The following RGPD4 variants were observed in gnomAD, a reference collection of about 807,000 sequenced individuals.
RGPD4 encodes the protein RANBP2 like and GRIP domain containing 4, also known as ranBP2-like and GRIP domain-containing protein 4.
A neutral mutation model predicts 141.1 loss-of-function variants in RGPD4; 84 were observed. The observed-to-expected ratio is 0.60, with a 90% CI of 0.50 to 0.71. The LOEUF is 0.71. Ranked by LOEUF, RGPD4 falls within the 30% of genes least tolerant of loss-of-function variation. The probability of loss-of-function intolerance (pLI) is 0.00; values close to 1 mark genes in which losing one functional copy is unlikely to be tolerated. For missense variants in RGPD4, 918 were observed against 1,622.4 expected, an observed-to-expected ratio of 0.57 and a Z score of 7.46; for synonymous variants, 298 against 566.8, an observed-to-expected ratio of 0.53 and a Z score of 6.74.
chr2:107,867,253 G>A (rs1438940025), intron 18 of RGPD4, among the ~76,000 whole-genome samples: 1 of 151,746 alleles, frequency 6.6e-6, no homozygotes, highest in Admixed American at 6.6e-5. Flanking sequence ...TTCTGAAATG[G>A]TAGTAGTAGT....
intron 20 of RGPD4, among the ~76,000 whole-genome samples, chr2:107,873,752 A>G (rs893994899): frequency 2.0e-5 from 3 of 151,802 alleles, no homozygotes; most frequent in Non-Finnish European, 2.9e-5. Context: ...TTTTAAAAGC[A>G]TATTCATTTT....
In RGPD4 at chr2:107,871,007, A is replaced by G. The variant is rs200660520; in HGVS notation, c.3003A>G (p.Glu1001=). 24,106 of 1,611,034 alleles carry G rather than the reference A, an allele frequency of 0.015. 279 individuals are homozygous for G. Among genetic ancestry groups the G allele is most frequent in the Non-Finnish European group, 0.017 (20,421 of 1,179,768 alleles). ...PNFKGFSGAG[E]KLFSSQCGKM... The stretch of plus-strand genomic sequence containing the variant: ...TCAAGGGATTTTCAGGTGCTGGAGA[A>G]AAATTATTCTCATCACAATGCGGTA... Residue 1001 remains glutamate, a synonymous_variant, in exon 20 of 23, where the codon GAA becomes GAG. Transcript: ENST00000408999.
intron 8 of RGPD4, 123 bp downstream of exon 8, chr2:107,854,766 A>G (rs1405329037): frequency 2.9e-6 from 4 of 1,371,776 alleles, no homozygotes; most frequent in African/African-American, 1.5e-5. Context: ...TTTTCGCCGT[A>G]TCAGTTAAGA....
At chr2:107,840,262 T>A (rs567225873) in intron 4 of RGPD4, among the ~76,000 whole-genome samples, 1 of 151,596 alleles carries the variant, frequency 6.6e-6, no homozygotes, top group South Asian at 2.1e-4. Context: ...TATACTTTGG[T>A]GATTTCAAAA....
chr2:107,834,566 T>C (rs1469384759), intron 1 of RGPD4, among the ~76,000 whole-genome samples: 1 of 152,156 alleles, frequency 6.6e-6, no homozygotes, highest in Non-Finnish European at 1.5e-5. Context: ...AGTTATCAGA[T>C]CAGTTGTTGG....
chr2:107,878,563 C>T (rs1025108214), intron 20 of RGPD4, among the ~76,000 whole-genome samples: 1 of 150,472 alleles, frequency 6.6e-6, no homozygotes, highest in African/African-American at 2.5e-5. Flanking sequence ...GGTACATATG[C>T]TTTTTTGGGC....
At chr2:107,862,928 T>C (rs1312602618) in intron 16 of RGPD4, 21 bp from the exon 17 acceptor site, 1 of 1,608,508 alleles carries the variant, frequency 6.2e-7, no homozygotes, top group Non-Finnish European at 8.5e-7. Flanking sequence ...TGCTCTTTTG[T>C]GATTTTTATT....
chr2:107,884,236 A>C (rs1675446487), intron 22 of RGPD4, among the ~76,000 whole-genome samples: 1 of 151,866 alleles, frequency 6.6e-6, no homozygotes, highest in South Asian at 2.1e-4. Context: ...TCGGCCTCCC[A>C]AGTAGCTGGG....
At chr2:107,832,400 C>T (rs1311684976) in intron 1 of RGPD4, among the ~76,000 whole-genome samples, 1 of 151,378 alleles carries the variant, frequency 6.6e-6, no homozygotes, top group Admixed American at 6.6e-5. Flanking sequence ...TTTGGTGTAG[C>T]ATAGTCTCAC....
At chr2:107,878,677 G>T (rs1317851814) in intron 20 of RGPD4, among the ~76,000 whole-genome samples, 1 of 109,348 alleles carries the variant, frequency 9.1e-6, no homozygotes, top group Non-Finnish European at 1.9e-5. Flanking sequence ...GAGATGGATG[G>T]ATGGATGCTT....
In RGPD4 at chr2:107,854,605, T is replaced by A; in HGVS notation, c.1028T>A (p.Leu343Gln). The change falls in exon 8 of 23, where the codon CTG (leucine) becomes CAG (glutamine). Residue 343 changes from leucine (L) to glutamine (Q), a missense_variant. Physicochemically the swap from Leu to Gln is moderately radical, Grantham distance 113. Transcript: ENST00000408999. Reference sequence around the variant, plus strand: ...ATAAAAGGTGAAGCTGGACAAAATCTGCTGGAAATGATGGCCTGTGACCGA... The same window carrying A: ...ATAAAAGGTGAAGCTGGACAAAATCAGCTGGAAATGATGGCCTGTGACCGA... ...KLIKGEAGQN[L>Q]LEMMACDRLS... is the part of the protein sequence containing the mutation. 6.5e-7 allele frequency: 1 copy of A among 1,541,046 alleles called. No homozygotes were observed. Among genetic ancestry groups the A allele is most frequent in the Non-Finnish European group, 8.8e-7 (1 of 1,140,490 alleles).
At position 107,871,326 on chromosome 2, in the gene RGPD4, G is replaced by A. The variant is rs1275685474; in HGVS notation, c.3322G>A (p.Val1108Met). 6.2e-7 allele frequency: 1 copy of A among 1,600,274 alleles called. No individual in the cohort carries two copies. The highest frequency in any genetic ancestry group is 8.5e-7 in the Non-Finnish European group (1 of 1,177,598). ...MLMRREQVLK[V>M]CANHWITTTM... is the part of the protein sequence containing the mutation. ...GATGCGAAGAGAACAAGTACTAAAA[G>A]TGTGTGCTAATCATTGGATAACGAC... is the stretch of plus-strand genomic sequence containing the variant. The change falls in exon 20 of 23, where the codon GTG becomes ATG. Residue 1108 changes from valine (V) to methionine (M), a missense_variant. Val to Met is a conservative substitution (Grantham distance 21). Transcript: ENST00000408999.
intron 1 of RGPD4, among the ~76,000 whole-genome samples, chr2:107,828,067 C>T (rs1288803365): frequency 2.7e-3 from 112 of 41,572 alleles, no homozygotes; most frequent in African/African-American, 0.013. Flanking sequence ...TGCTCCCTGG[C>T]GCGCTCTGTT....
At chr2:107,846,760 A>G (rs1366551829) in intron 6 of RGPD4, among the ~76,000 whole-genome samples, 2 of 151,550 alleles carry the variant, frequency 1.3e-5, no homozygotes, top group Admixed American at 6.6e-5. Context: ...GAGCCACCGC[A>G]CAGGGCCAAT....
chr2:107,846,908 T>C (rs1681971379), intron 6 of RGPD4, among the ~76,000 whole-genome samples: 1 of 150,674 alleles, frequency 6.6e-6, no homozygotes, highest in Admixed American at 6.6e-5. Flanking sequence ...TTACTTCCTC[T>C]TTCAGTCTGT....
chr2:107,885,872 G>A (rs1675497181), intron 22 of RGPD4, among the ~76,000 whole-genome samples: 1 of 151,688 alleles, frequency 6.6e-6, no homozygotes, highest in African/African-American at 2.4e-5. Flanking sequence ...GGCCAACATG[G>A]TGAAACCCCG....
At chr2:107,858,655 G>C (rs1682424557) in intron 9 of RGPD4, among the ~76,000 whole-genome samples, 1 of 151,094 alleles carries the variant, frequency 6.6e-6, no homozygotes, top group Admixed American at 6.6e-5. Flanking sequence ...GGCCAGGCTG[G>C]TCTCGAACTC....
chr2:107,833,956 G>T (rs1681583193), intron 1 of RGPD4, among the ~76,000 whole-genome samples: 2 of 151,710 alleles, frequency 1.3e-5, no homozygotes, highest in South Asian at 4.2e-4. Context: ...GCAGTGAGCT[G>T]AGATCGAGCC....
intron 22 of RGPD4, among the ~76,000 whole-genome samples, chr2:107,883,625 C>CA (rs1191898384): frequency 0.095 from 3,680 of 38,770 alleles, 277 homozygotes; most frequent in Non-Finnish European, 0.13. Context: ...GACTCCATCT[C>CA]AAAAAAAAAA....
Sources: allele counts gnomAD v4.1 joint callset (sites outside exome capture counted in the v4.1 genomes callset), GRCh38; gene constraint gnomAD v4.1.1; transcripts MANE v1.5; gene names NCBI Gene and HGNC (gene_info 2026-07-23, HGNC 2026-07-21).